The following SI variants were observed in gnomAD, a reference collection of about 807,000 sequenced individuals.
SI encodes the protein sucrase-isomaltase, also known as sucrase-isomaltase, intestinal.
Under a neutral mutation model 253.3 loss-of-function variants are expected in SI, and 235 were observed. The ratio of observed to expected loss-of-function variants is 0.93; its 90% CI spans 0.83 to 1.03. The LOEUF is 1.03. Among genes scored for constraint, SI ranks in the 50% least tolerant of loss-of-function variants. The pLI, the probability that SI is intolerant of heterozygous loss-of-function variation, is 0.00. For missense variants in SI, 2,442 were observed against 2,211.1 expected (o/e 1.10, Z -2.09); for synonymous variants, 819 against 712.0 (o/e 1.15, Z -2.39).
At chr3:165,047,110 G>A in intron 15 of SI, 98 bp from the exon 16 acceptor site, 2 of 940,570 alleles carry the variant, frequency 2.1e-6, no homozygotes, top group South Asian at 1.7e-5. Context: ...ATGTGATATA[G>A]TTTGGCTGTG....
At chr3:165,016,520 T>C (rs1719040043) in intron 31 of SI, among the ~76,000 whole-genome samples, 1 of 152,008 alleles carries the variant, frequency 6.6e-6, no homozygotes, top group African/African-American at 2.4e-5. Flanking sequence ...CAAATAATTC[T>C]AATATTGGCA....
At chr3:165,034,980 G>A (rs564144639) in intron 22 of SI, among the ~76,000 whole-genome samples, 1 of 152,046 alleles carries the variant, frequency 6.6e-6, no homozygotes, top group Non-Finnish European at 1.5e-5. Flanking sequence ...ACTGATGAGA[G>A]GCTTCAGATC....
At chr3:165,036,498 C>T (rs1712538382) in intron 21 of SI, 21 bp from the exon 22 acceptor site, 3 of 1,520,236 alleles carry the variant, frequency 2.0e-6, no homozygotes, top group South Asian at 1.1e-5. Flanking sequence ...AAATTAGGTG[C>T]ATATATGGTT....
chr3:165,027,702 A>T (rs1458480012), intron 25 of SI, among the ~76,000 whole-genome samples: 2 of 151,530 alleles, frequency 1.3e-5, no homozygotes, highest in African/African-American at 4.8e-5. Flanking sequence ...AGAATTAAAA[A>T]CAAAAATCAC....
intron 25 of SI, among the ~76,000 whole-genome samples, chr3:165,024,002 G>C (rs576132183): frequency 3.3e-5 from 5 of 151,496 alleles, no homozygotes; most frequent in Admixed American, 6.6e-5. Flanking sequence ...AAGAATGGTA[G>C]AGCAGAAGGA....
intron 22 of SI, among the ~76,000 whole-genome samples, chr3:165,034,605 G>A (rs1276257970): frequency 6.6e-6 from 1 of 151,846 alleles, no homozygotes; most frequent in Non-Finnish European, 1.5e-5. Flanking sequence ...TACACCCCAG[G>A]GTATTTAAGA....
rs192260704 is a variant in SI at position 165,016,831 on chromosome 3, A to T, written c.3759+717T>A. Among the ~76,000 whole-genome samples, 32 of 152,030 alleles carry T rather than the reference A, an allele frequency of 2.1e-4. 1 individual carries two copies. In the East Asian group the frequency reaches 5.8e-3, roughly 28 times the overall value. On this transcript the variant is annotated intron_variant, in intron 31 of 47. Coordinates refer to ENST00000264382, the MANE Select transcript of SI (RefSeq NM_001041.4). ...TTTTAAATAATAAATTTCCACGTGC[A>T]TGTTTCTGTATTGTCAACATATATA...
intron 47 of SI, among the ~76,000 whole-genome samples, chr3:164,979,811 C>T (rs1356129721): frequency 6.6e-6 from 1 of 151,798 alleles, no homozygotes; most frequent in Non-Finnish European, 1.5e-5. Flanking sequence ...CAGTCATTTT[C>T]AGCCAAAGTT....
intron 13 of SI, among the ~76,000 whole-genome samples, chr3:165,051,372 C>T (rs73020939): frequency 0.016 from 2,501 of 152,012 alleles, 76 homozygotes; most frequent in African/African-American, 0.058. Context: ...TCAGAGTAAG[C>T]AGAAATGAGA....
intron 34 of SI, among the ~76,000 whole-genome samples, chr3:165,010,077 T>C (rs1457156403): frequency 6.6e-6 from 1 of 152,216 alleles, no homozygotes; most frequent in African/African-American, 2.4e-5. Flanking sequence ...GCCTTAACAG[T>C]CTTCTTTATG....
intron 45 of SI, among the ~76,000 whole-genome samples, chr3:164,986,735 G>T (rs1022285073): frequency 4.6e-4 from 70 of 152,292 alleles, no homozygotes; most frequent in African/African-American, 1.6e-3. Flanking sequence ...ATGAGGAAAA[G>T]TGTCACTCCT....
intron 40 of SI, among the ~76,000 whole-genome samples, chr3:164,994,812 A>G (rs563009590): frequency 6.6e-6 from 1 of 151,794 alleles, no homozygotes; most frequent in East Asian, 1.9e-4. Context: ...GACCATGCAC[A>G]TTGTGGGTTC....
At position 164,989,637 on chromosome 3, in the gene SI, T is replaced by C. The variant is rs997987660; in HGVS notation, c.5108+1716A>G. The stretch of plus-strand genomic sequence containing the variant: ...GTCAGGAAATATATCACAAGACAGA[T>C]GAAGAGAGGCAGAGAAAGGGAAACA... On this transcript the variant is annotated intron_variant, in intron 44 of 47. Coordinates refer to ENST00000264382, the MANE Select transcript of SI (RefSeq NM_001041.4). 2.0e-5 allele frequency among the ~76,000 whole-genome samples: 3 copies of C among 151,962 alleles called. No homozygotes were observed. The South Asian group carries it at 6.2e-4, about 32-fold the overall frequency.
chr3:165,049,824 C>T lies in SI; in HGVS notation c.1564G>A (p.Val522Ile), dbSNP rs1015086459. The T allele has an allele frequency of 3.7e-6, 6 of 1,607,664 alleles. No individual in the cohort carries two copies. In the African/African-American group the frequency reaches 4.0e-5, roughly 11 times the overall value. ...FIQGSTKGCN[V>I]NKLNYPPFTP... is the part of the protein sequence containing the mutation. The stretch of plus-strand genomic sequence containing the variant: ...AACGGTGGATAATTCAATTTGTTTA[C>T]ATTACATCCTTTTGTTGAACCTTGA... Residue 522 changes from valine (V) to isoleucine (I), a missense_variant, in exon 14 of 48, where the codon GTA (valine) becomes ATA (isoleucine). Transcript: ENST00000264382.
chr3:165,021,415 C>G (rs780948872), intron 26 of SI, 32 bp from the exon 27 acceptor site: 12 of 1,547,936 alleles, frequency 7.8e-6, no homozygotes, highest in Middle Eastern at 1.7e-4. Flanking sequence ...AAAGTTTATT[C>G]TGATTGCTGA....
At position 165,059,220 on chromosome 3, in the gene SI, G is replaced by C; in HGVS notation, c.1226C>G (p.Pro409Arg). 1 of 1,612,704 alleles carries C rather than the reference G, an allele frequency of 6.2e-7. No individual in the cohort carries two copies. The highest frequency in any genetic ancestry group is 8.5e-7 in the Non-Finnish European group (1 of 1,179,234). ...GTCATGCAAATCTTGCACAAATTGAGGGAGTCCGTTAAACGCAACTTGATC... is the reference window on the plus strand; with the variant it reads ...GTCATGCAAATCTTGCACAAATTGACGGAGTCCGTTAAACGCAACTTGATC... ...TYDQVAFNGL[P>R]QFVQDLHDHG... Residue 409 changes from proline (P) to arginine (R), a missense_variant, in exon 11 of 48, where the codon CCT becomes CGT. By Grantham distance (103) the Pro-to-Arg change is moderately radical. Coordinates refer to ENST00000264382, the MANE Select transcript of SI (RefSeq NM_001041.4).
At chr3:165,077,327 T>G (rs1437042665) in intron 1 of SI, among the ~76,000 whole-genome samples, 1 of 151,716 alleles carries the variant, frequency 6.6e-6, no homozygotes, top group Non-Finnish European at 1.5e-5. Flanking sequence ...CTAGCCTTTC[T>G]TCATTTACCA....
At chr3:165,055,826 A>C (rs1713669863) in intron 12 of SI, among the ~76,000 whole-genome samples, 1 of 152,082 alleles carries the variant, frequency 6.6e-6, no homozygotes, top group Non-Finnish European at 1.5e-5. Context: ...AGCAGGTACT[A>C]TTTTTATCAC....
Position 164,992,155 on chromosome 3 carries a change from C to G in SI, c.4983+22G>C, listed in dbSNP as rs777086261. 3.8e-6 allele frequency: 6 copies of G among 1,595,876 alleles called. No homozygotes were observed. The South Asian group carries it at 6.6e-5, about 18-fold the overall frequency. ...TACCCGTTTCTGTTTAGTTAATTCC[C>G]CAGAATTCCTTAAATACTTACTGTA... On this transcript the variant is annotated intron_variant, in intron 43 of 47. Transcript: ENST00000264382.
Sources: allele counts gnomAD v4.1 joint callset (sites outside exome capture counted in the v4.1 genomes callset), GRCh38; gene constraint gnomAD v4.1.1; transcripts MANE v1.5; gene names NCBI Gene and HGNC (gene_info 2026-07-23, HGNC 2026-07-21).